Variants in SGCD observed in about 807,000 individuals in gnomAD.
SGCD encodes delta-sarcoglycan.
A neutral mutation model predicts 36.6 loss-of-function variants in SGCD; 18 were observed. That is an observed-to-expected ratio of 0.49 (90% CI 0.34 to 0.73). SGCD has a LOEUF of 0.73. Ranked by LOEUF, SGCD falls within the 30% of genes least tolerant of loss-of-function variation. The pLI, the probability that SGCD is intolerant of heterozygous loss-of-function variation, is 0.01. For missense variants in SGCD, 387 were observed against 346.7 expected (o/e 1.12, Z -0.92); for synonymous variants, 133 against 130.6 (o/e 1.02, Z -0.12).
At chr5:156,443,454 C>A (rs192971858) in intron 3 of SGCD, among the ~76,000 whole-genome samples, 8 of 152,228 alleles carry the variant, frequency 5.3e-5, no homozygotes, top group Admixed American at 5.2e-4. Context: ...CCCAGGAATC[C>A]TCAGAGTGTG....
chr5:155,981,792 C>G (rs1034990347), intron 1 of SGCD, among the ~76,000 whole-genome samples: 4 of 152,160 alleles, frequency 2.6e-5, no homozygotes, highest in African/African-American at 9.7e-5. Context: ...CTCCTTACTT[C>G]TAGAATTCTT....
chr5:155,770,109 C>T, the SGCD span, among the ~76,000 whole-genome samples: 5 of 152,024 alleles, frequency 3.3e-5, no homozygotes, highest in East Asian at 1.9e-4. Flanking sequence ...TACCTGGTAT[C>T]GTGCTGGGTG....
the SGCD span, among the ~76,000 whole-genome samples, chr5:155,786,402 A>T: frequency 6.6e-6 from 1 of 152,168 alleles, no homozygotes; most frequent in Non-Finnish European, 1.5e-5. Flanking sequence ...TCTTCTGCAG[A>T]AACATCCTGG....
intron 1 of SGCD, among the ~76,000 whole-genome samples, chr5:155,987,628 C>T (rs532868277): frequency 1.3e-5 from 2 of 152,308 alleles, no homozygotes; most frequent in East Asian, 1.9e-4. Context: ...CTGGCCTTAG[C>T]TTGGACTTTC....
At chr5:156,645,011 A>T (rs1467243231) in intron 6 of SGCD, among the ~76,000 whole-genome samples, 1 of 152,010 alleles carries the variant, frequency 6.6e-6, no homozygotes, top group Non-Finnish European at 1.5e-5. Context: ...GTGATTCAGA[A>T]CACTTTAGAT....
the SGCD span, among the ~76,000 whole-genome samples, chr5:155,791,490 G>T: frequency 2.6e-5 from 4 of 152,188 alleles, no homozygotes. Flanking sequence ...CTGATGATAT[G>T]GTTCTATACA....
chr5:155,880,659 T>C (rs555238512), intron 1 of SGCD, among the ~76,000 whole-genome samples: 2 of 152,316 alleles, frequency 1.3e-5, no homozygotes, highest in African/African-American at 4.8e-5. Flanking sequence ...ATCGTCATTA[T>C]GCTTGAGTTA....
chr5:156,712,909 TC>T lies in SGCD; in HGVS notation c.576-44667del, dbSNP rs570823956. ...AACTGATGAGTTTACTTGTTATCTA[TC>T]CCCCATACTTGAATGTAAGCTTCAT... is the stretch of plus-strand genomic sequence containing the variant. On this transcript the variant is annotated intron_variant, in intron 7 of 8. Transcript: ENST00000337851. 2.0e-3 allele frequency among the ~76,000 whole-genome samples: 298 copies of T among 152,226 alleles called. 2 individuals are homozygous for T. The highest frequency in any genetic ancestry group is 0.014 in the Middle Eastern group (4 of 294).
intron 3 of SGCD, among the ~76,000 whole-genome samples, chr5:156,428,705 G>T: frequency 6.6e-6 from 1 of 152,122 alleles, no homozygotes; most frequent in East Asian, 1.9e-4. Flanking sequence ...CACTGCTTTT[G>T]CTGTAACCCA....
chr5:156,762,401 A>G lies in SGCD; in HGVS notation c.*3011A>G, dbSNP rs994271188. On this transcript the variant is annotated 3_prime_UTR_variant, in exon 9 of 9. Transcript: ENST00000337851. ...AGAAGTCTTGGGAAACTATTCGAGT[A>G]TCACAGAGGTTTTCAAAAGCCCTTA... 2.0e-5 allele frequency: 3 copies of G among 152,672 alleles called. No homozygotes were observed. Among genetic ancestry groups the G allele is most frequent in the Non-Finnish European group, 4.4e-5 (3 of 68,044 alleles). The allele number at this position is 152,672 out of a possible 1,614,324, so 9.5% of individuals were successfully genotyped here. A position where few individuals can be genotyped will look rare whatever the true frequency, so the allele number is the denominator to read the frequency against.
rs2113187512 is a variant in SGCD at position 156,759,461 on chromosome 5, A to T, written c.*71A>T. 1 of 1,062,678 alleles carries T rather than the reference A, an allele frequency of 9.4e-7. No individual in the cohort carries two copies. The highest frequency in any genetic ancestry group is 1.4e-6 in the Non-Finnish European group (1 of 728,386). 65.8% of individuals were successfully genotyped at this position (1,062,678 alleles called of 1,614,324 possible). ...TGGCTTTAGACACTGGCTGCCAGCT[A>T]TTTTTACTAGAACACAGAAAGCCTA... On this transcript the variant is annotated 3_prime_UTR_variant, in exon 9 of 9. Transcript: ENST00000337851.
intron 7 of SGCD, among the ~76,000 whole-genome samples, chr5:156,751,123 G>A (rs1757134841): frequency 6.6e-6 from 1 of 151,788 alleles, no homozygotes; most frequent in Admixed American, 6.6e-5. Context: ...TAAAACTCAA[G>A]TAAGCTACAA....
At chr5:155,803,550 G>A in the SGCD span, among the ~76,000 whole-genome samples, 86 of 152,162 alleles carry the variant, frequency 5.7e-4, 1 homozygote, top group Non-Finnish European at 1.3e-4. Context: ...AAGGAGCCTG[G>A]GAGATGTAAC....
the SGCD span, among the ~76,000 whole-genome samples, chr5:155,779,672 G>A: frequency 6.6e-6 from 1 of 152,040 alleles, no homozygotes; most frequent in South Asian, 2.1e-4. Flanking sequence ...ACCAGATAAT[G>A]AAATGTTAGC....
intron 6 of SGCD, 97 bp downstream of exon 6, chr5:156,595,148 A>G: frequency 7.3e-7 from 1 of 1,365,378 alleles, no homozygotes; most frequent in African/African-American, 1.5e-5. Context: ...TCCTCCCAAA[A>G]TTCATATATC....
At chr5:156,019,164 A>G (rs1039323774) in intron 1 of SGCD, among the ~76,000 whole-genome samples, 4 of 152,216 alleles carry the variant, frequency 2.6e-5, no homozygotes, top group Non-Finnish European at 4.4e-5. Context: ...AAACATAGAA[A>G]TTCTAATACT....
At chr5:156,579,762 C>T (rs188407389) in intron 4 of SGCD, among the ~76,000 whole-genome samples, 1 of 152,172 alleles carries the variant, frequency 6.6e-6, no homozygotes, top group East Asian at 1.9e-4. Context: ...TTTCCATTTG[C>T]TTGGTAGATC....
At chr5:156,060,844 G>A (rs1219512709) in intron 1 of SGCD, among the ~76,000 whole-genome samples, 1 of 145,596 alleles carries the variant, frequency 6.9e-6, no homozygotes, top group Non-Finnish European at 1.5e-5. Context: ...GCATTTAATT[G>A]AAGTGCTAGA....
intron 7 of SGCD, among the ~76,000 whole-genome samples, chr5:156,699,429 C>A (rs1292889100): frequency 6.6e-6 from 1 of 152,092 alleles, no homozygotes. Context: ...CCTTTACTAT[C>A]AGTACCTGCA....
Sources: gnomAD v4.1 joint callset for allele counts (sites outside exome capture counted in the v4.1 genomes callset) on GRCh38, gnomAD v4.1.1 for gene constraint, MANE v1.5 for transcripts, NCBI Gene and HGNC (gene_info 2026-07-23, HGNC 2026-07-21) for gene names.